Variants in DLG2 observed in about 807,000 individuals in gnomAD.
DLG2 encodes the protein disks large homolog 2.
A neutral mutation model predicts 132.5 loss-of-function variants in DLG2; 45 were observed. The ratio of observed to expected loss-of-function variants is 0.34; its 90% confidence interval spans 0.27 to 0.44. The LOEUF (loss-of-function observed/expected upper bound fraction) is 0.44. Among genes scored for constraint, DLG2 ranks in the 20% least tolerant of loss-of-function variants. The pLI is 1.00. For missense variants in DLG2, 1,045 were observed against 1,196.9 expected (o/e 0.87, Z 1.87); for synonymous variants, 424 against 419.6 (o/e 1.01, Z -0.13).
chr11:85,334,011 A>C (rs1325350652), intron 3 of DLG2, among the ~76,000 whole-genome samples: 1 of 152,090 alleles, frequency 6.6e-6, no homozygotes, highest in African/African-American at 2.4e-5. Context: ...GATTTGTACC[A>C]GCTCTGCTTT....
chr11:84,461,061 A>G (rs1475017667), intron 7 of DLG2, among the ~76,000 whole-genome samples: 1 of 151,008 alleles, frequency 6.6e-6, no homozygotes, highest in African/African-American at 2.4e-5. Flanking sequence ...GGTAGTTCAC[A>G]AACTCTCTTA....
At chr11:84,088,213 T>C (rs1594962881) in intron 10 of DLG2, among the ~76,000 whole-genome samples, 1 of 152,170 alleles carries the variant, frequency 6.6e-6, no homozygotes, top group Non-Finnish European at 1.5e-5. Context: ...ACCAAGATCA[T>C]AAAGATTTAC....
At chr11:84,497,066 T>G (rs891289484) in intron 7 of DLG2, among the ~76,000 whole-genome samples, 5 of 152,154 alleles carry the variant, frequency 3.3e-5, no homozygotes, top group Non-Finnish European at 5.9e-5. Flanking sequence ...TGACTCCCAC[T>G]GGCCTCACTA....
At position 85,548,211 on chromosome 11, in the gene DLG2, CT is replaced by C. The variant is rs1157201180; in HGVS notation, c.40+50445del. 2.0e-5 allele frequency among the ~76,000 whole-genome samples: 3 copies of C among 152,138 alleles called. No individual in the cohort carries two copies. The East Asian group carries it at 5.8e-4, about 29-fold the overall frequency. On this transcript the variant is annotated intron_variant, in intron 3 of 27. Transcript: ENST00000376104. ...TTGTTGATGTTGATACTATTCCTTT[CT>C]GTTTGTTAGTTTTCCTTCTGACAGT...
intron 8 of DLG2, among the ~76,000 whole-genome samples, chr11:84,165,124 T>C (rs955990146): frequency 2.0e-5 from 3 of 152,212 alleles, no homozygotes; most frequent in Non-Finnish European, 2.9e-5. Context: ...ACGAGATACA[T>C]TTTCATTCCC....
chr11:85,416,989 A>C (rs117473350), intron 3 of DLG2, among the ~76,000 whole-genome samples: 4,294 of 152,110 alleles, frequency 0.028, 110 homozygotes, highest in East Asian at 0.097. Context: ...ATCGAATAGG[A>C]GTGGTGAGAG....
chr11:84,862,822 G>GGT (rs1555265834), intron 6 of DLG2, among the ~76,000 whole-genome samples: 1 of 133,940 alleles, frequency 7.5e-6, no homozygotes, highest in Non-Finnish European at 1.6e-5. Context: ...CCTGTCGGGG[G>GGT]GGGGGGGTGG....
intron 6 of DLG2, among the ~76,000 whole-genome samples, chr11:84,759,201 G>A: frequency 6.6e-6 from 1 of 152,090 alleles, no homozygotes; most frequent in Admixed American, 6.6e-5. Context: ...TCTAAAGTAA[G>A]TAACCATTGT....
intron 19 of DLG2, among the ~76,000 whole-genome samples, chr11:83,544,982 C>G (rs1204126967): frequency 6.6e-6 from 1 of 152,150 alleles, no homozygotes; most frequent in Admixed American, 6.6e-5. Flanking sequence ...CCCTAAATTC[C>G]TGAAACTCCC....
intron 6 of DLG2, among the ~76,000 whole-genome samples, chr11:84,765,458 C>G (rs868810101): frequency 6.6e-6 from 1 of 152,050 alleles, no homozygotes; most frequent in Non-Finnish European, 1.5e-5. Context: ...TACGGTCTCC[C>G]CTCAACCAAA....
chr11:84,191,373 G>A (rs1164937685), intron 8 of DLG2, among the ~76,000 whole-genome samples: 1 of 152,044 alleles, frequency 6.6e-6, no homozygotes, highest in African/African-American at 2.4e-5. Flanking sequence ...ACTTTAACTG[G>A]CAATCAGAAA....
intron 10 of DLG2, among the ~76,000 whole-genome samples, chr11:84,089,032 G>C (rs2097043884): frequency 2.6e-5 from 4 of 152,124 alleles, no homozygotes; most frequent in African/African-American, 9.7e-5. Context: ...AATCAGTTGG[G>C]GTACAGTGGA....
intron 4 of DLG2, among the ~76,000 whole-genome samples, chr11:85,213,431 T>C (rs1384162592): frequency 6.6e-6 from 1 of 152,058 alleles, no homozygotes; most frequent in Non-Finnish European, 1.5e-5. Context: ...TTCCAGTTCA[T>C]AGGTGGATTC....
chr11:83,665,508 T>C (rs143164907), intron 18 of DLG2, among the ~76,000 whole-genome samples: 110 of 152,360 alleles, frequency 7.2e-4, no homozygotes, highest in African/African-American at 2.5e-3. Context: ...TTATCTCTTA[T>C]GTACTCTCCC....
At chr11:83,703,530 T>C (rs1450496903) in intron 18 of DLG2, among the ~76,000 whole-genome samples, 1 of 152,064 alleles carries the variant, frequency 6.6e-6, no homozygotes, top group African/African-American at 2.4e-5. Context: ...ATGCCTGTAA[T>C]CCCAGCTAAT....
chr11:83,632,055 G>A (rs1044383086), intron 19 of DLG2: 4 of 152,060 alleles, frequency 2.6e-5, no homozygotes, highest in African/African-American at 9.7e-5. Flanking sequence ...AATTCATAGG[G>A]TTAATAACTT....
intron 6 of DLG2, among the ~76,000 whole-genome samples, chr11:84,845,882 G>T (rs1033519737): frequency 3.3e-5 from 5 of 151,910 alleles, no homozygotes; most frequent in Non-Finnish European, 5.9e-5. Context: ...GTTTCACCAC[G>T]TTGGCCAGGC....
intron 18 of DLG2, among the ~76,000 whole-genome samples, chr11:83,689,221 G>T (rs906478885): frequency 2.0e-5 from 3 of 152,056 alleles, no homozygotes; most frequent in African/African-American, 7.2e-5. Flanking sequence ...TCTTAAGCTG[G>T]GTCTTAATAG....
chr11:85,166,961 G>A (rs1054957510), intron 4 of DLG2, among the ~76,000 whole-genome samples: 1 of 151,996 alleles, frequency 6.6e-6, no homozygotes, highest in African/African-American at 2.4e-5. Flanking sequence ...GATCTCTTTT[G>A]TAGAGTAAAT....
Sources: gnomAD v4.1 joint callset for allele counts (sites outside exome capture counted in the v4.1 genomes callset) on GRCh38, gnomAD v4.1.1 for gene constraint, MANE v1.5 for transcripts, NCBI Gene and HGNC (gene_info 2026-07-23, HGNC 2026-07-21) for gene names.